BDP1: variants seen among roughly 807,000 people sequenced by gnomAD.
BDP1 encodes the protein transcription factor TFIIIB component B'' homolog.
A neutral mutation model predicts 266.6 loss-of-function variants in BDP1; 169 were observed. The ratio of observed to expected loss-of-function variants is 0.63; its 90% CI spans 0.56 to 0.72. BDP1 has a LOEUF of 0.72. Among genes scored for constraint, BDP1 ranks in the 30% least tolerant of loss-of-function variants. BDP1 has a pLI of 0.00. For missense variants in BDP1, 3,015 were observed against 3,053.8 expected, an observed-to-expected ratio of 0.99 and a Z score of 0.30; for synonymous variants, 1,090 against 1,022.4, an observed-to-expected ratio of 1.07 and a Z score of -1.26.
At position 71,509,791 on chromosome 5, in the gene BDP1, C is replaced by T. The variant is rs1764794278; in HGVS notation, c.2699C>T (p.Thr900Ile). Residue 900 changes from threonine to isoleucine, a missense_variant, in exon 17 of 39, where the codon ACA becomes ATA. Thr to Ile is a moderately conservative substitution (Grantham distance 89). This residue lies in a region of BDP1 where 2,383 missense variants were observed against 2,404.9 expected (regional missense o/e 0.99). Coordinates refer to ENST00000358731, the MANE Select transcript of BDP1 (RefSeq NM_018429.3). ...ATTGATGACACCATAGAAATGGAGA[C>T]AGGTCTGAAAGCAATGGGAAGAGAG... ...DVIDDTIEMETGLKAMGREIC... is the reference protein window; with the variant it reads ...DVIDDTIEMEIGLKAMGREIC... The T allele has an allele frequency of 1.2e-6, 2 of 1,613,994 alleles. No homozygotes were observed. Among genetic ancestry groups the T allele is most frequent in the Non-Finnish European group, 1.7e-6 (2 of 1,180,006 alleles).
At chr5:71,569,984 G>A (rs1744214800), downstream of BDP1, among the ~76,000 whole-genome samples, 1 of 152,192 alleles carries the variant, frequency 6.6e-6, no homozygotes, top group African/African-American at 2.4e-5. Context: ...GTCAGAGAAT[G>A]GGGGTGGTTT....
intron 11 of BDP1, among the ~76,000 whole-genome samples, chr5:71,493,696 G>A (rs915827202): frequency 2.6e-5 from 4 of 152,206 alleles, no homozygotes; most frequent in African/African-American, 9.6e-5. Context: ...GACTGTGCTA[G>A]TAGACTAATT....
At chr5:71,456,188 C>G (rs149664062) in intron 1 of BDP1, 99 bp downstream of exon 1, 4 of 1,168,270 alleles carry the variant, frequency 3.4e-6, no homozygotes, top group African/African-American at 1.5e-5. Context: ...AGTCCGCTCT[C>G]GTTTGCAGTA....
chr5:71,457,330 G>GTT (rs953152208), intron 1 of BDP1, among the ~76,000 whole-genome samples: 2 of 108,998 alleles, frequency 1.8e-5, no homozygotes, highest in Non-Finnish European at 1.9e-5. Context: ...TTTTTAATTA[G>GTT]TTTTTTTTTT....
At position 71,542,114 on chromosome 5, in the gene BDP1, T is replaced by G; in HGVS notation, c.6261T>G (p.Ile2087Met). ...KENATPTRNTISKVTSNLRIR... is the reference protein window; with the variant it reads ...KENATPTRNTMSKVTSNLRIR... The stretch of plus-strand genomic sequence containing the variant: ...TATCTTCTGTTTTTAGGAATACAAT[T>G]TCTAAAGTGACCAGTAATTTGAGAA... Residue 2087 changes from isoleucine (I) to methionine (M), a missense_variant, in exon 30 of 39, where the codon ATT (isoleucine) becomes ATG (methionine). Transcript: ENST00000358731. 6.2e-7 allele frequency: 1 copy of G among 1,600,904 alleles called. No individual in the cohort carries two copies. The highest frequency in any genetic ancestry group is 1.3e-5 in the African/African-American group (1 of 74,178).
Position 71,474,048 on chromosome 5 carries a change from C to T in BDP1, c.1014+3559C>T, listed in dbSNP as rs540667349. ...CAGGCTGGAGTGCAGTGGCGGATCTCGGCTCACTGCAAGCTCCGCCTCCCG... is the reference window on the plus strand; with the variant it reads ...CAGGCTGGAGTGCAGTGGCGGATCTTGGCTCACTGCAAGCTCCGCCTCCCG... On this transcript the variant is annotated intron_variant, in intron 7 of 38. Transcript: ENST00000358731. Among the ~76,000 whole-genome samples, 66 of 149,820 alleles carry T rather than the reference C, an allele frequency of 4.4e-4. 2 individuals are homozygous for T. The South Asian group carries it at 0.011, about 24-fold the overall frequency.
intron 6 of BDP1, among the ~76,000 whole-genome samples, chr5:71,468,292 T>G (rs1206677480): frequency 6.6e-6 from 1 of 151,986 alleles, no homozygotes; most frequent in African/African-American, 2.4e-5. Context: ...GTGCTGGGAT[T>G]ACAGGCATGA....
rs1195868014 is a variant in BDP1 at position 71,566,017 on chromosome 5, CTGTT to C, written c.*1134_*1137del. 4.5e-6 allele frequency: 1 copy of C among 221,540 alleles called. No homozygotes were observed. The highest frequency in any genetic ancestry group is 2.3e-5 in the African/African-American group (1 of 42,686). 13.7% of individuals were successfully genotyped at this position (221,540 alleles called of 1,614,324 possible). A position where few individuals can be genotyped will look rare whatever the true frequency, so the allele number is the denominator to read the frequency against. On this transcript the variant is annotated 3_prime_UTR_variant, in exon 39 of 39. Transcript: ENST00000358731. ...TTAAATTTATGTTTGTCTCCTTTTT[CTGTT>C]TAATTTTAAAGATATTTAAAATGAT... is the stretch of plus-strand genomic sequence containing the variant.
chr5:71,495,449 A>G (rs1300934122), intron 12 of BDP1, 41 bp downstream of exon 12: 5 of 1,399,632 alleles, frequency 3.6e-6, no homozygotes, highest in Non-Finnish European at 4.9e-6. Flanking sequence ...TAAAATTTTG[A>G]TAAGGTTCTT....
rs1341415791 is a variant in BDP1, at chr5:71,567,224, CTAT to C, written c.*2344_*2346del. 6.6e-6 allele frequency: 1 copy of C among 152,094 alleles called. No individual in the cohort carries two copies. Among genetic ancestry groups the C allele is most frequent in the African/African-American group, 2.4e-5 (1 of 41,430 alleles). 9.4% of individuals were successfully genotyped at this position (152,094 alleles called of 1,614,324 possible). A position where few individuals can be genotyped will look rare whatever the true frequency, so the allele number is the denominator to read the frequency against. On this transcript the variant is annotated 3_prime_UTR_variant, in exon 39 of 39. Coordinates refer to ENST00000358731, the MANE Select transcript of BDP1 (RefSeq NM_018429.3). The stretch of plus-strand genomic sequence containing the variant: ...TGGGAGTTAGATTGCCATGATTAAA[CTAT>C]TATTTATCCTTGTGTAATATTAGTT...
At chr5:71,555,233 A>G (rs1743131093) in intron 35 of BDP1, among the ~76,000 whole-genome samples, 1 of 152,188 alleles carries the variant, frequency 6.6e-6, no homozygotes, top group Non-Finnish European at 1.5e-5. Context: ...AATAGGGCCA[A>G]GTTAATTTTC....
intron 1 of BDP1, 91 bp from the exon 2 acceptor site, chr5:71,458,488 C>T: frequency 2.3e-6 from 2 of 874,472 alleles, no homozygotes; most frequent in South Asian, 5.2e-5. Flanking sequence ...TACGAGATTG[C>T]AGTTTTGGAT....
At chr5:71,483,699 A>G in intron 7 of BDP1, 143 bp from the exon 8 acceptor site, 2 of 625,552 alleles carry the variant, frequency 3.2e-6, no homozygotes, top group East Asian at 2.9e-5. Context: ...CCGAAGGTTT[A>G]AGTAACTTGC....
chr5:71,576,955 T>C, the BDP1 span, among the ~76,000 whole-genome samples: 2 of 152,222 alleles, frequency 1.3e-5, no homozygotes, highest in African/African-American at 4.8e-5. Context: ...ACAGTCTTAA[T>C]GTTACATTTG....
rs754557826 is a variant in BDP1, at chr5:71,539,576, C to A, written c.5949C>A (p.Thr1983=). 85 of 1,607,668 alleles carry A rather than the reference C, an allele frequency of 5.3e-5. No individual in the cohort carries two copies. In the South Asian group the frequency reaches 9.0e-4, roughly 17 times the overall value. Residue 1983 remains threonine (T), a synonymous_variant, in exon 28 of 39, where the codon ACC becomes ACA. Transcript: ENST00000358731. ...CACAAGGTACCAATGATGGAAGCAC[C>A]GAAGCTGCAATAACTTTACTTACAA... ...QDEPGTNDGS[T]EAAITLLTMG...
chr5:71,490,524 G>C (rs1463507803), intron 10 of BDP1, among the ~76,000 whole-genome samples: 1 of 152,054 alleles, frequency 6.6e-6, no homozygotes, highest in Non-Finnish European at 1.5e-5. Context: ...CTGAACTCAG[G>C]GGGTTCTCTA....
intron 33 of BDP1, among the ~76,000 whole-genome samples, 173 bp downstream of exon 33, chr5:71,548,918 A>C (rs1742534431): frequency 1.3e-5 from 2 of 152,218 alleles, no homozygotes; most frequent in Admixed American, 1.3e-4. Context: ...TGTTTTTCAG[A>C]GTCATAAATC....
At chr5:71,462,364 G>A (rs1015744886) in intron 3 of BDP1, among the ~76,000 whole-genome samples, 1 of 152,166 alleles carries the variant, frequency 6.6e-6, no homozygotes, top group Non-Finnish European at 1.5e-5. Context: ...GAACACATAT[G>A]TCCTTTTAAA....
rs375345374 is a variant in BDP1, at chr5:71,554,722, T to C, written c.7200+1402T>C. 9.9e-5 allele frequency among the ~76,000 whole-genome samples: 15 copies of C among 152,082 alleles called. 1 individual carries two copies. The highest frequency in any genetic ancestry group is 3.6e-4 in the African/African-American group (15 of 41,494). On this transcript the variant is annotated intron_variant, in intron 35 of 38. Coordinates refer to ENST00000358731, the MANE Select transcript of BDP1 (RefSeq NM_018429.3). Reference sequence around the variant, plus strand: ...AAAAGTATAATGTCCATTTGGCTTATTTGTGATTTTTATTTTCTAAACTTT... The same window carrying C: ...AAAAGTATAATGTCCATTTGGCTTACTTGTGATTTTTATTTTCTAAACTTT...
Sources: allele counts gnomAD v4.1 joint callset (sites outside exome capture counted in the v4.1 genomes callset), GRCh38; gene constraint gnomAD v4.1.1; regional missense constraint gnomAD v4.1.1; transcripts MANE v1.5; gene names NCBI Gene and HGNC (gene_info 2026-07-23, HGNC 2026-07-21).